ANKIB1: variants seen among roughly 807,000 people sequenced by gnomAD.
ANKIB1 encodes the protein ankyrin repeat and IBR domain containing 1, also known as ankyrin repeat and IBR domain-containing protein 1.
A neutral mutation model predicts 122.1 loss-of-function variants in ANKIB1; 43 were observed. That is an observed-to-expected ratio of 0.35 (90% CI 0.28 to 0.45). ANKIB1 has a LOEUF of 0.45. ANKIB1 is among the 20% of genes least tolerant of loss of function. The pLI, the probability that ANKIB1 is intolerant of heterozygous loss-of-function variation, is 1.00. For missense variants in ANKIB1, 992 were observed against 1,329.5 expected (o/e 0.75, Z 3.95); for synonymous variants, 390 against 442.0 (o/e 0.88, Z 1.48).
intron 11 of ANKIB1, among the ~76,000 whole-genome samples, chr7:92,385,520 G>C (rs1804617397): frequency 6.6e-6 from 1 of 152,134 alleles, no homozygotes; most frequent in Non-Finnish European, 1.5e-5. Flanking sequence ...AGAAAATGTG[G>C]TACATATACA....
At chr7:92,254,830 C>T (rs529211498) in intron 1 of ANKIB1, among the ~76,000 whole-genome samples, 11 of 152,088 alleles carry the variant, frequency 7.2e-5, no homozygotes, top group Non-Finnish European at 1.3e-4. Flanking sequence ...TTCATGTAAT[C>T]ATTGCTATGG....
At position 92,251,890 on chromosome 7, in the gene ANKIB1, T is replaced by G. The variant is rs1032371427; in HGVS notation, c.-91+5371T>G. Among the ~76,000 whole-genome samples, 30 of 152,354 alleles carry G rather than the reference T, an allele frequency of 2.0e-4. No individual in the cohort carries two copies. In the East Asian group the frequency reaches 5.8e-3, roughly 29 times the overall value. On this transcript the variant is annotated intron_variant, in intron 1 of 19. Transcript: ENST00000265742. ...CTCTTTATCTTCTGGCGCAGGATCC[T>G]ATCCAGGAATACATGTTACAGTTGG...
At chr7:92,303,395 A>G (rs973801564) in intron 2 of ANKIB1, among the ~76,000 whole-genome samples, 1 of 152,186 alleles carries the variant, frequency 6.6e-6, no homozygotes, top group Non-Finnish European at 1.5e-5. Flanking sequence ...TATTCAATCT[A>G]TAGTAGAAGC....
chr7:92,261,314 A>C (rs1181630150), intron 1 of ANKIB1, among the ~76,000 whole-genome samples: 1 of 146,702 alleles, frequency 6.8e-6, no homozygotes, highest in Non-Finnish European at 1.5e-5. Flanking sequence ...GCGCCACTGC[A>C]CTCCAGCCTG....
chr7:92,298,958 CTGT>C (rs1405524012), intron 2 of ANKIB1, among the ~76,000 whole-genome samples: 3 of 152,190 alleles, frequency 2.0e-5, no homozygotes, highest in Non-Finnish European at 4.4e-5. Context: ...CACACCTGTG[CTGT>C]TGTTTGAGTT....
chr7:92,392,051 A>G lies in ANKIB1; in HGVS notation c.2232-190A>G, dbSNP rs147214211. Among the ~76,000 whole-genome samples, 871 of 152,302 alleles carry G rather than the reference A, an allele frequency of 5.7e-3. 3 individuals are homozygous for G. Among genetic ancestry groups the G allele is most frequent in the Non-Finnish European group, 8.8e-3 (597 of 67,992 alleles). ...AATTTTTATTTTTTGATCATTTTACACAAACATAAAAACTTAGAATTTGGA... is the reference window on the plus strand; with the variant it reads ...AATTTTTATTTTTTGATCATTTTACGCAAACATAAAAACTTAGAATTTGGA... On this transcript the variant is annotated intron_variant, in intron 16 of 19. Transcript: ENST00000265742.
chr7:92,295,612 G>A (rs1384265472), intron 2 of ANKIB1, among the ~76,000 whole-genome samples: 1 of 152,088 alleles, frequency 6.6e-6, no homozygotes, highest in Non-Finnish European at 1.5e-5. Context: ...ACTCTGATTA[G>A]CTATTTTTAG....
chr7:92,287,722 T>G (rs1446041811), intron 1 of ANKIB1, among the ~76,000 whole-genome samples: 7 of 151,978 alleles, frequency 4.6e-5, no homozygotes, highest in Admixed American at 4.6e-4. Context: ...AAAAATAAAT[T>G]GAAGACTTGC....
Position 92,391,815 on chromosome 7 carries a change from T to C in ANKIB1, c.2232-426T>C, listed in dbSNP as rs536137042. The stretch of plus-strand genomic sequence containing the variant: ...GATAAACCCATCCACTAAAGATCAG[T>C]TGAGTTGTAGTTGTTTTATTTTACA... On this transcript the variant is annotated intron_variant, in intron 16 of 19. Transcript: ENST00000265742. Among the ~76,000 whole-genome samples the C allele has an allele frequency of 1.2e-3, 179 of 152,182 alleles. 1 individual carries two copies. Among genetic ancestry groups the C allele is most frequent in the African/African-American group, 4.1e-3 (169 of 41,556 alleles).
chr7:92,326,047 T>C (rs1803021832), intron 4 of ANKIB1: 1 of 385,592 alleles, frequency 2.6e-6, no homozygotes, highest in Non-Finnish European at 5.1e-6. Flanking sequence ...AGAAAAGTAG[T>C]GCCCACTTGG....
chr7:92,398,132 G>C (rs950940481), intron 19 of ANKIB1, 80 bp from the exon 20 acceptor site: 5 of 1,403,158 alleles, frequency 3.6e-6, no homozygotes, highest in Non-Finnish European at 4.7e-6. Flanking sequence ...TGTTGGTAAA[G>C]GAAGAATGGT....
chr7:92,349,248 G>A (rs1803607736), intron 7 of ANKIB1, among the ~76,000 whole-genome samples: 1 of 152,192 alleles, frequency 6.6e-6, no homozygotes, highest in African/African-American at 2.4e-5. Context: ...TTTCACAGAA[G>A]TGAGTGGGAA....
chr7:92,279,296 G>A (rs1015126547), intron 1 of ANKIB1, among the ~76,000 whole-genome samples: 7 of 152,214 alleles, frequency 4.6e-5, no homozygotes, highest in Non-Finnish European at 1.0e-4. Flanking sequence ...CCTAAAGGGA[G>A]TCCAGAATCC....
At chr7:92,373,645 ATATAC>A (rs1804320773) in intron 11 of ANKIB1, among the ~76,000 whole-genome samples, 1 of 152,212 alleles carries the variant, frequency 6.6e-6, no homozygotes. Flanking sequence ...GCAAAATCAT[ATATAC>A]TATATTTTAA....
rs1316930898 is a variant in ANKIB1 at position 92,331,911 on chromosome 7, AG to A, written c.787+4012del. Among the ~76,000 whole-genome samples, 6 of 147,300 alleles carry A rather than the reference AG, an allele frequency of 4.1e-5. No individual in the cohort carries two copies. The East Asian group carries it at 1.4e-3, about 33-fold the overall frequency. On this transcript the variant is annotated intron_variant, in intron 5 of 19. Transcript: ENST00000265742. ...TAACTCTTAAGCTATAGTATCATAT[AG>A]AATCTAACAACCTATAATTTCACCA...
intron 11 of ANKIB1, among the ~76,000 whole-genome samples, chr7:92,383,507 C>T (rs1478925502): frequency 6.6e-6 from 1 of 152,084 alleles, no homozygotes; most frequent in Non-Finnish European, 1.5e-5. Context: ...TACTGGCAAA[C>T]CAAATCCAGC....
intron 6 of ANKIB1, among the ~76,000 whole-genome samples, chr7:92,344,456 C>T (rs1158540442): frequency 4.6e-5 from 7 of 151,958 alleles, no homozygotes; most frequent in African/African-American, 1.7e-4. Context: ...CTGCCCACCT[C>T]GGCCTCGCAA....
intron 4 of ANKIB1, among the ~76,000 whole-genome samples, chr7:92,321,805 A>G (rs1180921308): frequency 6.6e-6 from 1 of 152,210 alleles, no homozygotes; most frequent in Non-Finnish European, 1.5e-5. Flanking sequence ...TTTACTTTTT[A>G]AAAAATCTTT....
chr7:92,341,351 G>T (rs576779327), intron 5 of ANKIB1, among the ~76,000 whole-genome samples: 36 of 150,762 alleles, frequency 2.4e-4, no homozygotes, highest in African/African-American at 8.0e-4. Context: ...TTTTTGGAAA[G>T]CCATCTAGCA....
Sources: gnomAD v4.1 joint callset for allele counts (sites outside exome capture counted in the v4.1 genomes callset) on GRCh38, gnomAD v4.1.1 for gene constraint, MANE v1.5 for transcripts, NCBI Gene and HGNC (gene_info 2026-07-23, HGNC 2026-07-21) for gene names.